Variants in ARID3B observed in about 807,000 individuals in gnomAD.
The protein encoded by ARID3B is AT-rich interactive domain-containing protein 3B.
In ARID3B, 10 loss-of-function variants were observed where a neutral mutation model predicts 51.9. The observed-to-expected ratio is 0.19, with a 90% CI of 0.12 to 0.33. ARID3B has a LOEUF of 0.33. ARID3B is among the 10% of genes least tolerant of loss of function. ARID3B has a pLI of 1.00. For synonymous variants in ARID3B, 205 were observed against 279.5 expected (o/e 0.73, Z 2.66); for missense variants, 483 against 716.3 (o/e 0.67, Z 3.72).
At chr15:74,572,693 T>C (rs919772838) in intron 2 of ARID3B, among the ~76,000 whole-genome samples, 169 bp from the exon 3 acceptor site, 4 of 152,118 alleles carry the variant, frequency 2.6e-5, no homozygotes, top group Non-Finnish European at 4.4e-5. Flanking sequence ...AAAAAAGATG[T>C]CCCTGTAAGG....
At chr15:74,588,666 C>T (rs963485712) in intron 4 of ARID3B, among the ~76,000 whole-genome samples, 6 of 152,294 alleles carry the variant, frequency 3.9e-5, no homozygotes, top group Middle Eastern at 6.8e-3. Flanking sequence ...TCATCCATCA[C>T]GCCTCCTGAT....
At chr15:74,549,367 G>A (rs936963140) in intron 2 of ARID3B, among the ~76,000 whole-genome samples, 5 of 151,920 alleles carry the variant, frequency 3.3e-5, no homozygotes, top group African/African-American at 9.7e-5. Flanking sequence ...GAGCCACTGC[G>A]CCCGGCCGGG....
At chr15:74,581,417 A>G (rs2061761385) in intron 4 of ARID3B, among the ~76,000 whole-genome samples, 1 of 152,222 alleles carries the variant, frequency 6.6e-6, no homozygotes, top group South Asian at 2.1e-4. Context: ...TATTCTTTGT[A>G]TCTTACCATA....
Position 74,591,724 on chromosome 15 carries a change from G to A in ARID3B, c.1330G>A (p.Glu444Lys), listed in dbSNP as rs1025638822. ...GAAGAAGGCATCGAGGCTGTCTGAG[G>A]AGGAGCAGCGCCTGGTGCAGCAGGC... ...AEKKASRLSE[E>K]EQRLVQQAFQ... Residue 444 changes from glutamate to lysine, a missense_variant, in exon 7 of 9, where the codon GAG (glutamate) becomes AAG (lysine). This residue lies in a region of ARID3B where 265 missense variants were observed against 354.4 expected (regional missense o/e 0.75). Coordinates refer to ENST00000346246, the MANE Select transcript of ARID3B (RefSeq NM_006465.4). The surrounding 1 kb of genome is among the most constrained non-coding windows in gnomAD (Gnocchi z 5.8). The A allele has an allele frequency of 3.1e-6, 5 of 1,614,082 alleles. No individual in the cohort carries two copies. The African/African-American group carries it at 6.7e-5, about 22-fold the overall frequency.
Position 74,597,431 on chromosome 15 carries a change from C to T in ARID3B, c.*1657C>T. 1 of 476,330 alleles carries T rather than the reference C, an allele frequency of 2.1e-6. No homozygotes were observed. Among genetic ancestry groups the T allele is most frequent in the African/African-American group, 2.0e-5 (1 of 51,222 alleles). The allele number at this position is 476,330 out of a possible 1,614,324, so 29.5% of individuals were successfully genotyped here. A position where few individuals can be genotyped will look rare whatever the true frequency, so the allele number is the denominator to read the frequency against. On this transcript the variant is annotated 3_prime_UTR_variant, in exon 9 of 9. Transcript: ENST00000346246. ...CAAAAGCTTGAGCACAAACAGATAC[C>T]TCAGCCCGGTAAGCTGCAGCTCTGC...
intron 8 of ARID3B, among the ~76,000 whole-genome samples, chr15:74,594,113 G>T (rs117124193): frequency 1.2e-3 from 182 of 151,828 alleles, no homozygotes; most frequent in Middle Eastern, 3.4e-3. Flanking sequence ...CCATTTCATT[G>T]GTTTACGGAC....
intron 2 of ARID3B, among the ~76,000 whole-genome samples, chr15:74,568,199 TG>T (rs2061706574): frequency 6.6e-6 from 1 of 152,170 alleles, no homozygotes; most frequent in Non-Finnish European, 1.5e-5. Flanking sequence ...AGTGCCCAGG[TG>T]AAGCCATGAG....
chr15:74,596,925 G>A lies in ARID3B; in HGVS notation c.*1151G>A, dbSNP rs1207977362. The A allele has an allele frequency of 4.3e-6, 1 of 233,804 alleles. No individual in the cohort carries two copies. The allele number at this position is 233,804 out of a possible 1,614,324, so 14.5% of individuals were successfully genotyped here. ...CCTCAAGCCCAGTGAGGAGGTGGGTGGAGGCATGCAGGGGAGACGACTCAG... is the reference window on the plus strand; with the variant it reads ...CCTCAAGCCCAGTGAGGAGGTGGGTAGAGGCATGCAGGGGAGACGACTCAG... On this transcript the variant is annotated 3_prime_UTR_variant, in exon 9 of 9. Coordinates refer to ENST00000346246, the MANE Select transcript of ARID3B (RefSeq NM_006465.4).
intron 2 of ARID3B, among the ~76,000 whole-genome samples, chr15:74,547,962 A>G (rs1663151823): frequency 6.6e-6 from 1 of 152,310 alleles, no homozygotes; most frequent in Admixed American, 6.5e-5. Context: ...TGTAAAGTCA[A>G]AATTATTTCG....
chr15:74,541,665 T>TGG (rs989009617), intron 1 of ARID3B, among the ~76,000 whole-genome samples: 2 of 44,744 alleles, frequency 4.5e-5, no homozygotes, highest in African/African-American at 9.6e-5. Context: ...TAGGGCTGAA[T>TGG]GGGGGGAGGT....
At chr15:74,554,268 C>T (rs1001715259) in intron 2 of ARID3B, among the ~76,000 whole-genome samples, 1 of 151,982 alleles carries the variant, frequency 6.6e-6, no homozygotes, top group African/African-American at 2.4e-5. Context: ...CTCGGCCTCC[C>T]AAAGTGCTGA....
intron 2 of ARID3B, among the ~76,000 whole-genome samples, chr15:74,570,995 A>G (rs987616578): frequency 6.6e-6 from 1 of 152,220 alleles, no homozygotes; most frequent in Non-Finnish European, 1.5e-5. Context: ...GTGCATGGTC[A>G]GATAGCATTT....
rs2061832208 is a variant in ARID3B, at chr15:74,597,420, C to T, written c.*1646C>T. The stretch of plus-strand genomic sequence containing the variant: ...GGAAAGGGAATCAAAAGCTTGAGCA[C>T]AAACAGATACCTCAGCCCGGTAAGC... On this transcript the variant is annotated 3_prime_UTR_variant, in exon 9 of 9. Transcript: ENST00000346246. 1 of 458,996 alleles carries T rather than the reference C, an allele frequency of 2.2e-6. No individual in the cohort carries two copies. The highest frequency in any genetic ancestry group is 4.1e-6 in the Non-Finnish European group (1 of 242,584). The allele number at this position is 458,996 out of a possible 1,614,324, so 28.4% of individuals were successfully genotyped here.
chr15:74,593,273 C>T (rs1329785267), intron 8 of ARID3B, 37 bp downstream of exon 8: 15 of 1,582,450 alleles, frequency 9.5e-6, no homozygotes, highest in Middle Eastern at 1.7e-4. Context: ...CCCACGTGGC[C>T]GCAGCTAGCC....
At position 74,595,859 on chromosome 15, in the gene ARID3B, C is replaced by G; in HGVS notation, c.*85C>G. The stretch of plus-strand genomic sequence containing the variant: ...ACAGAATTTACCTCATCTCACAGAG[C>G]CCACGTCGACGAGCACCATTTGGCC... On this transcript the variant is annotated 3_prime_UTR_variant, in exon 9 of 9. Transcript: ENST00000346246. 1 of 1,403,450 alleles carries G rather than the reference C, an allele frequency of 7.1e-7. No individual in the cohort carries two copies. Among genetic ancestry groups the G allele is most frequent in the South Asian group, 1.4e-5 (1 of 70,866 alleles). The allele number at this position is 1,403,450 out of a possible 1,614,324, so 86.9% of individuals were successfully genotyped here. A position where few individuals can be genotyped will look rare whatever the true frequency, so the allele number is the denominator to read the frequency against.
chr15:74,572,243 ACT>A (rs1476574802), intron 2 of ARID3B, among the ~76,000 whole-genome samples: 1 of 152,196 alleles, frequency 6.6e-6, no homozygotes, highest in Admixed American at 6.5e-5. Flanking sequence ...TTAGATTTTC[ACT>A]GTTTCTCTAA....
intron 4 of ARID3B, among the ~76,000 whole-genome samples, chr15:74,587,299 A>G (rs182468045): frequency 1.3e-5 from 2 of 152,190 alleles, no homozygotes; most frequent in African/African-American, 4.8e-5. Flanking sequence ...CTGCAGGCCA[A>G]AAAGGAAGAT....
intron 4 of ARID3B, among the ~76,000 whole-genome samples, chr15:74,584,327 G>A (rs1415090449): frequency 6.6e-6 from 1 of 152,252 alleles, no homozygotes; most frequent in African/African-American, 2.4e-5. Context: ...GGAATGTTCA[G>A]GAAGCCTGCC....
Position 74,597,205 on chromosome 15 carries a change from C to T in ARID3B, c.*1431C>T, listed in dbSNP as rs946169706. 9 of 354,128 alleles carry T rather than the reference C, an allele frequency of 2.5e-5. No homozygotes were observed. Among genetic ancestry groups the T allele is most frequent in the Non-Finnish European group, 4.7e-5 (9 of 189,484 alleles). The allele number at this position is 354,128 out of a possible 1,614,324, so 21.9% of individuals were successfully genotyped here. ...AATAACTCCACAGCTCCTCCTGGAC[C>T]CTGCGCGGGAGCAGGCAGCTCCTGT... On this transcript the variant is annotated 3_prime_UTR_variant, in exon 9 of 9. Transcript: ENST00000346246.
Sources: gnomAD v4.1 joint callset for allele counts (sites outside exome capture counted in the v4.1 genomes callset) on GRCh38, gnomAD v4.1.1 for gene constraint, gnomAD v4.1.1 regional missense constraint, Gnocchi (gnomAD v3.1) non-coding constraint, MANE v1.5 for transcripts, NCBI Gene and HGNC (gene_info 2026-07-23, HGNC 2026-07-21) for gene names.